Variants in ASTN2 observed in about 807,000 individuals in gnomAD.
The protein encoded by ASTN2 is astrotactin-2.
A neutral mutation model predicts 139.8 loss-of-function variants in ASTN2; 54 were observed. That is an observed-to-expected ratio of 0.39 (90% CI 0.31 to 0.48). ASTN2 has a LOEUF of 0.48. Among genes scored for constraint, ASTN2 ranks in the 20% least tolerant of loss-of-function variants. The pLI is 0.95. For missense variants in ASTN2, 1,565 were observed against 1,725.1 expected (o/e 0.91, Z 1.64); for synonymous variants, 756 against 719.5 (o/e 1.05, Z -0.81).
At chr9:116,805,368 G>A (rs1846200778) in intron 13 of ASTN2, among the ~76,000 whole-genome samples, 1 of 152,104 alleles carries the variant, frequency 6.6e-6, no homozygotes, top group South Asian at 2.1e-4. Context: ...GTACTTATAT[G>A]ATAATTTAAG....
At chr9:116,491,946 A>G (rs1301839752) in intron 19 of ASTN2, among the ~76,000 whole-genome samples, 1 of 152,200 alleles carries the variant, frequency 6.6e-6, no homozygotes, top group African/African-American at 2.4e-5. Context: ...AACTCTGTAC[A>G]TCTATATTCT....
chr9:116,506,594 C>T (rs1850119412), intron 19 of ASTN2, among the ~76,000 whole-genome samples: 1 of 152,042 alleles, frequency 6.6e-6, no homozygotes, highest in South Asian at 2.1e-4. Context: ...GGCAGACCAG[C>T]CACTAGCAGC....
At chr9:117,208,750 C>G (rs533131381) in intron 3 of ASTN2, among the ~76,000 whole-genome samples, 1 of 152,160 alleles carries the variant, frequency 6.6e-6, no homozygotes, top group South Asian at 2.1e-4. Flanking sequence ...AGAAAAAAGT[C>G]AGGTCACATA....
chr9:117,390,968 C>T (rs760930994), intron 1 of ASTN2, among the ~76,000 whole-genome samples: 2 of 152,140 alleles, frequency 1.3e-5, no homozygotes, highest in South Asian at 2.1e-4. Flanking sequence ...GATCCCAGGT[C>T]CTGGTATTTT....
At chr9:117,257,586 T>C (rs1321800996) in intron 2 of ASTN2, among the ~76,000 whole-genome samples, 3 of 152,204 alleles carry the variant, frequency 2.0e-5, no homozygotes, top group Non-Finnish European at 4.4e-5. Context: ...CCAGAAACAT[T>C]ATTTAATGTA....
chr9:116,431,477 C>T (rs1588051028), intron 22 of ASTN2, among the ~76,000 whole-genome samples: 1 of 152,164 alleles, frequency 6.6e-6, no homozygotes, highest in South Asian at 2.1e-4. Context: ...TCTGGAGAAC[C>T]CCCGACACTT....
intron 5 of ASTN2, among the ~76,000 whole-genome samples, chr9:117,049,962 T>C (rs1332785206): frequency 6.6e-6 from 1 of 151,890 alleles, no homozygotes; most frequent in East Asian, 1.9e-4. Flanking sequence ...GGCTCAGAAA[T>C]AAATGAGAAA....
chr9:116,803,520 A>ATG (rs1564276242), intron 13 of ASTN2, among the ~76,000 whole-genome samples: 7 of 4,056 alleles, frequency 1.7e-3, no homozygotes, highest in African/African-American at 6.5e-3. Context: ...ATATATATAT[A>ATG]TATTTTTTTT....
chr9:116,666,221 G>A (rs1419379691), intron 16 of ASTN2, among the ~76,000 whole-genome samples: 1 of 152,196 alleles, frequency 6.6e-6, no homozygotes, highest in African/African-American at 2.4e-5. Flanking sequence ...TAGTACAACA[G>A]GCATTAAGTG....
chr9:116,880,121 A>G (rs1320557428), intron 10 of ASTN2, among the ~76,000 whole-genome samples: 2 of 152,242 alleles, frequency 1.3e-5, no homozygotes, highest in East Asian at 3.8e-4. Flanking sequence ...AACAAATGCA[A>G]TATGATATAA....
chr9:116,916,433 G>C, intron 10 of ASTN2, among the ~76,000 whole-genome samples: 1 of 152,192 alleles, frequency 6.6e-6, no homozygotes, highest in Non-Finnish European at 1.5e-5. Flanking sequence ...GCTCAGAAAG[G>C]TGTAAACAGC....
intron 20 of ASTN2, among the ~76,000 whole-genome samples, chr9:116,456,720 C>T (rs192035581): frequency 1.3e-4 from 20 of 152,230 alleles, no homozygotes; most frequent in Admixed American, 7.2e-4. Context: ...GAACAGCACA[C>T]GAAAGAATTT....
At chr9:116,706,719 T>G (rs373370287) in intron 16 of ASTN2, among the ~76,000 whole-genome samples, 215 of 151,218 alleles carry the variant, frequency 1.4e-3, no homozygotes, top group African/African-American at 5.1e-3. Flanking sequence ...TGCAGGGCTC[T>G]CCTCTTGCTT....
At chr9:116,430,143 G>A (rs12683171) in intron 22 of ASTN2, among the ~76,000 whole-genome samples, 1 of 152,154 alleles carries the variant, frequency 6.6e-6, no homozygotes, top group Non-Finnish European at 1.5e-5. Context: ...AGAAGTAAGC[G>A]ATAAATATAA....
intron 4 of ASTN2, among the ~76,000 whole-genome samples, chr9:117,103,149 C>T (rs1305882639): frequency 6.6e-6 from 1 of 152,158 alleles, no homozygotes; most frequent in Non-Finnish European, 1.5e-5. Flanking sequence ...TTTAAACAAT[C>T]ATTTACTCAG....
intron 19 of ASTN2, among the ~76,000 whole-genome samples, chr9:116,508,090 C>T (rs1475864005): frequency 6.6e-6 from 1 of 152,074 alleles, no homozygotes; most frequent in Non-Finnish European, 1.5e-5. Context: ...GGGGTTTCTC[C>T]ATGTTGGTCA....
rs192470911 is a variant in ASTN2 at position 117,354,647 on chromosome 9, C to T, written c.442+59850G>A. Among the ~76,000 whole-genome samples the T allele has an allele frequency of 2.6e-5, 4 of 152,300 alleles. No individual in the cohort carries two copies. The East Asian group carries it at 7.7e-4, about 29-fold the overall frequency. ...GTAGGTCTTACTCCTTCCCACCAGA[C>T]CTTATATGATCTGGCTCCAGGCAAT... On this transcript the variant is annotated intron_variant, in intron 1 of 22. Transcript: ENST00000313400.
chr9:117,362,250 G>A (rs981949551), intron 1 of ASTN2, among the ~76,000 whole-genome samples: 1 of 152,108 alleles, frequency 6.6e-6, no homozygotes, highest in Non-Finnish European at 1.5e-5. Flanking sequence ...CTGGGATTAC[G>A]AGCGTGAGCC....
chr9:117,237,968 C>T (rs1402142848), intron 2 of ASTN2, among the ~76,000 whole-genome samples: 2 of 152,182 alleles, frequency 1.3e-5, no homozygotes, highest in Non-Finnish European at 2.9e-5. Flanking sequence ...TGGAGACACA[C>T]AGTTGTCTTT....
Sources: allele counts gnomAD v4.1 joint callset (sites outside exome capture counted in the v4.1 genomes callset), GRCh38; gene constraint gnomAD v4.1.1; transcripts MANE v1.5; gene names NCBI Gene and HGNC (gene_info 2026-07-23, HGNC 2026-07-21).